Variants in SRD5A2 observed in about 807,000 individuals in gnomAD.
SRD5A2 encodes the protein 3-oxo-5-alpha-steroid 4-dehydrogenase 2.
Under a neutral mutation model 27.4 loss-of-function variants are expected in SRD5A2, and 30 were observed. That is an observed-to-expected ratio of 1.10 (90% confidence interval 0.82 to 1.49). The LOEUF is 1.49. Among genes scored for constraint, SRD5A2 ranks in the 40% most tolerant of loss-of-function variants. The pLI, the probability that SRD5A2 is intolerant of heterozygous loss-of-function variation, is 0.00. For synonymous variants in SRD5A2, 141 were observed against 133.6 expected (o/e 1.06, Z -0.38); for missense variants, 348 against 323.4 (o/e 1.08, Z -0.58).
Position 31,525,624 on chromosome 2 carries a change from G to T in SRD5A2, c.*572C>A, listed in dbSNP as rs1665760528. 8.8e-6 allele frequency: 2 copies of T among 227,576 alleles called. No homozygotes were observed. Among genetic ancestry groups the T allele is most frequent in the Admixed American group, 1.1e-4 (2 of 17,590 alleles). The allele number at this position is 227,576 out of a possible 1,614,324, so 14.1% of individuals were successfully genotyped here. A position where few individuals can be genotyped will look rare whatever the true frequency, so the allele number is the denominator to read the frequency against. ...CAGTATCTTTTCAGCACTATGAGGA[G>T]AGGGCTCCTGTATTCAAGGTCTACC... On this transcript the variant is annotated 3_prime_UTR_variant, in exon 5 of 5. Transcript: ENST00000622030.
the SRD5A2 span, among the ~76,000 whole-genome samples, chr2:31,612,664 A>T: frequency 6.6e-6 from 1 of 152,202 alleles, no homozygotes; most frequent in Non-Finnish European, 1.5e-5. Context: ...TGGAAAAAAC[A>T]ATCCTAAAAT....
the SRD5A2 span, among the ~76,000 whole-genome samples, chr2:31,605,353 G>A: frequency 2.2e-3 from 336 of 151,836 alleles, 1 homozygote; most frequent in African/African-American, 8.0e-3. Flanking sequence ...AGAGTGAAGA[G>A]ACAACCCACA....
At chr2:31,617,576 C>T in the SRD5A2 span, among the ~76,000 whole-genome samples, 1 of 146,604 alleles carries the variant, frequency 6.8e-6, no homozygotes, top group African/African-American at 2.5e-5. Context: ...TCCTGCTCTG[C>T]TTCCTCTTGA....
the SRD5A2 span, among the ~76,000 whole-genome samples, chr2:31,606,729 C>T: frequency 6.6e-6 from 1 of 152,018 alleles, no homozygotes; most frequent in East Asian, 1.9e-4. Context: ...TGCTCAAAGC[C>T]CCACCCCTCT....
At position 31,532,985 on chromosome 2, in the gene SRD5A2, T is replaced by TG. The variant is rs28383051; in HGVS notation, c.445+617dup. Among the ~76,000 whole-genome samples, 1,199 of 152,302 alleles carry TG rather than the reference T, an allele frequency of 7.9e-3. 4 individuals carry two copies. The highest frequency in any genetic ancestry group is 0.012 in the Non-Finnish European group (803 of 68,002). ...CCAGGCTTGTCCAACCCACAGCCTG[T>TG]GGGCCACATGCAGCCCAGGACAGTT... On this transcript the variant is annotated intron_variant, in intron 2 of 4. Transcript: ENST00000622030.
the SRD5A2 span, among the ~76,000 whole-genome samples, chr2:31,662,783 G>C: frequency 1.3e-5 from 2 of 152,166 alleles, no homozygotes; most frequent in African/African-American, 4.8e-5. Flanking sequence ...ATCTACTGAA[G>C]TGGGCACCCA....
the SRD5A2 span, among the ~76,000 whole-genome samples, chr2:31,626,381 C>T: frequency 6.6e-6 from 1 of 152,160 alleles, no homozygotes; most frequent in South Asian, 2.1e-4. Context: ...CTGGCCAGAA[C>T]TTCCAATACT....
At chr2:31,553,839 T>C (rs1416594804) in intron 1 of SRD5A2, among the ~76,000 whole-genome samples, 1 of 152,158 alleles carries the variant, frequency 6.6e-6, no homozygotes, top group Non-Finnish European at 1.5e-5. Flanking sequence ...TGGTCTAATA[T>C]AACTCCAACA....
At chr2:31,538,093 G>C (rs948788484) in intron 1 of SRD5A2, among the ~76,000 whole-genome samples, 11 of 152,156 alleles carry the variant, frequency 7.2e-5, no homozygotes, top group African/African-American at 2.7e-4. Flanking sequence ...GATATCTCCA[G>C]ACAGGATATC....
chr2:31,550,289 G>C (rs1044772685), intron 1 of SRD5A2, among the ~76,000 whole-genome samples: 1 of 151,624 alleles, frequency 6.6e-6, no homozygotes, highest in Non-Finnish European at 1.5e-5. Flanking sequence ...TGGCTTTACT[G>C]CAGAATTCTA....
intron 1 of SRD5A2, among the ~76,000 whole-genome samples, chr2:31,564,298 G>C (rs543003364): frequency 6.6e-6 from 1 of 151,464 alleles, no homozygotes; most frequent in Admixed American, 6.6e-5. Context: ...ATTAGCAACA[G>C]ATAAGACATT....
the SRD5A2 span, among the ~76,000 whole-genome samples, chr2:31,633,279 A>G: frequency 6.6e-6 from 1 of 152,186 alleles, no homozygotes; most frequent in Non-Finnish European, 1.5e-5. Context: ...CCTGCAGCTA[A>G]TCAATGGAAA....
the SRD5A2 span, among the ~76,000 whole-genome samples, chr2:31,660,628 A>G: frequency 2.6e-5 from 4 of 152,028 alleles, no homozygotes; most frequent in African/African-American, 9.7e-5. Flanking sequence ...AGGTGGGGGC[A>G]GCAGGTGTAT....
the SRD5A2 span, among the ~76,000 whole-genome samples, chr2:31,610,888 A>C: frequency 6.6e-6 from 1 of 152,094 alleles, no homozygotes; most frequent in Admixed American, 6.6e-5. Context: ...AGGGTGGATC[A>C]CCTGAGGTCA....
chr2:31,526,267 A>T lies in SRD5A2; in HGVS notation c.699-5T>A. ...TCAAACATCTTGAGGTAGAACCTAAAAGACAAGAAAGGAATAATTGTAAAT... is the reference window on the plus strand; with the variant it reads ...TCAAACATCTTGAGGTAGAACCTAATAGACAAGAAAGGAATAATTGTAAAT... On this transcript the variant is annotated splice_polypyrimidine_tract_variant and splice_region_variant and intron_variant, in intron 4 of 4. Transcript: ENST00000622030. 6.4e-7 allele frequency: 1 copy of T among 1,558,374 alleles called. No homozygotes were observed. Among genetic ancestry groups the T allele is most frequent in the Non-Finnish European group, 8.7e-7 (1 of 1,143,536 alleles).
the SRD5A2 span, among the ~76,000 whole-genome samples, chr2:31,599,056 C>T: frequency 6.6e-6 from 1 of 151,712 alleles, no homozygotes; most frequent in Non-Finnish European, 1.5e-5. Context: ...GGCAAAAATT[C>T]TAAGAGACAA....
chr2:31,625,384 T>A, the SRD5A2 span, among the ~76,000 whole-genome samples: 2 of 152,234 alleles, frequency 1.3e-5, no homozygotes, highest in African/African-American at 4.8e-5. Flanking sequence ...ATTTGTCTAT[T>A]TTGGCTTTTG....
chr2:31,650,214 T>C, the SRD5A2 span, among the ~76,000 whole-genome samples: 1 of 152,188 alleles, frequency 6.6e-6, no homozygotes, highest in Non-Finnish European at 1.5e-5. Flanking sequence ...GCACCTTTTG[T>C]ATTTGTGCCC....
Position 31,533,710 on chromosome 2 carries a change from A to C in SRD5A2, c.338T>G (p.Leu113Arg), listed in dbSNP as rs1283058193. ...TCCAGTGCAGAAGGCAGTGCCTCTGAGAATGAGTATAGCTGGATAAGGCCT... is the reference window on the plus strand; with the variant it reads ...TCCAGTGCAGAAGGCAGTGCCTCTGCGAATGAGTATAGCTGGATAAGGCCT... ...RGRPYPAILI[L>R]RGTAFCTGNG... Residue 113 changes from leucine (L) to arginine (R), a missense_variant, in exon 2 of 5, where the codon CTC becomes CGC. By Grantham distance (102) the Leu-to-Arg change is moderately radical. Transcript: ENST00000622030. The C allele has an allele frequency of 4.4e-6, 7 of 1,596,646 alleles. No individual in the cohort carries two copies. Among genetic ancestry groups the C allele is most frequent in the Non-Finnish European group, 8.5e-7 (1 of 1,171,420 alleles).
Sources: gnomAD v4.1 joint callset for allele counts (sites outside exome capture counted in the v4.1 genomes callset) on GRCh38, gnomAD v4.1.1 for gene constraint, MANE v1.5 for transcripts, NCBI Gene and HGNC (gene_info 2026-07-23, HGNC 2026-07-21) for gene names.